The following WDR59 variants were observed in gnomAD, a reference collection of about 807,000 sequenced individuals.
WDR59 encodes the protein GATOR2 complex protein WDR59.
A neutral mutation model predicts 131.2 loss-of-function variants in WDR59; 100 were observed. That is an observed-to-expected ratio of 0.76 (90% CI 0.65 to 0.90). The LOEUF is 0.90. Ranked by LOEUF, WDR59 falls within the 40% of genes least tolerant of loss-of-function variation. The probability of loss-of-function intolerance (pLI) is 0.00; values close to 1 mark genes in which losing one functional copy is unlikely to be tolerated. For synonymous variants in WDR59, 601 were observed against 466.2 expected (o/e 1.29, Z -3.72); for missense variants, 1,203 against 1,262.2 (o/e 0.95, Z 0.71).
At chr16:74,886,916 C>T (rs1785048173) in intron 23 of WDR59, among the ~76,000 whole-genome samples, 1 of 151,880 alleles carries the variant, frequency 6.6e-6, no homozygotes, top group Non-Finnish European at 1.5e-5. Flanking sequence ...AGCAAGAGTC[C>T]ATCTCAAAAA....
rs79888568 is a variant in WDR59 at position 74,942,033 on chromosome 16, C to T, written c.534+705G>A. ...GCAGTGATGGCTCTGTTCATTATTA[C>T]CTAACAGTCTGGCAGTCAATGCAGG... is the stretch of plus-strand genomic sequence containing the variant. On this transcript the variant is annotated intron_variant, in intron 7 of 25. Transcript: ENST00000262144. 4.3e-3 allele frequency among the ~76,000 whole-genome samples: 650 copies of T among 152,168 alleles called. 7 individuals are homozygous for T. The highest frequency in any genetic ancestry group is 0.015 in the African/African-American group (631 of 41,514).
intron 1 of WDR59, among the ~76,000 whole-genome samples, chr16:74,971,219 G>T (rs2033969342): frequency 6.6e-6 from 1 of 151,838 alleles, no homozygotes; most frequent in Non-Finnish European, 1.5e-5. Context: ...AACTTTTAAA[G>T]TTCATTCGTT....
chr16:74,976,949 C>A (rs886884343), intron 1 of WDR59, among the ~76,000 whole-genome samples: 1 of 152,118 alleles, frequency 6.6e-6, no homozygotes, highest in Non-Finnish European at 1.5e-5. Context: ...AGAGGTTGCA[C>A]TGATTCAAAA....
intron 3 of WDR59, among the ~76,000 whole-genome samples, chr16:74,952,248 C>G (rs1194006784): frequency 6.6e-6 from 1 of 151,648 alleles, no homozygotes; most frequent in Admixed American, 6.6e-5. Flanking sequence ...CAAGACCAGT[C>G]TGGGCAACAT....
In WDR59 at chr16:74,924,088, C is replaced by T. The variant is rs2145013146; in HGVS notation, c.652-85G>A. On this transcript the variant is annotated intron_variant, in intron 8 of 25. Transcript: ENST00000262144. ...ATAAGCACAGCCTTTGAACTCATTG[C>T]TTCTGGTCCTCTAAAGATACACTTC... The T allele has an allele frequency of 6.8e-6, 9 of 1,323,524 alleles. No individual in the cohort carries two copies. In the South Asian group the frequency reaches 1.1e-4, roughly 17 times the overall value. The allele number at this position is 1,323,524 out of a possible 1,614,324, so 82.0% of individuals were successfully genotyped here.
intron 8 of WDR59, among the ~76,000 whole-genome samples, chr16:74,931,517 T>C (rs1227851715): frequency 1.3e-5 from 2 of 152,042 alleles, no homozygotes; most frequent in Non-Finnish European, 2.9e-5. Context: ...TTGCATTTGT[T>C]GCAGAGATGG....
intron 1 of WDR59, among the ~76,000 whole-genome samples, chr16:74,978,283 C>T (rs1258772198): frequency 1.4e-5 from 2 of 144,296 alleles, no homozygotes; most frequent in African/African-American, 5.2e-5. Flanking sequence ...GATCGTGCGA[C>T]TGCACTCCAG....
chr16:74,983,380 C>A (rs2034501868), intron 1 of WDR59, among the ~76,000 whole-genome samples: 3 of 151,428 alleles, frequency 2.0e-5, no homozygotes, highest in Admixed American at 2.0e-4. Context: ...GGCTGAGGCA[C>A]AAGAATCGTT....
Position 74,922,572 on chromosome 16 carries a change from C to G in WDR59, c.730-469G>C, listed in dbSNP as rs531779031. 1.1e-4 allele frequency among the ~76,000 whole-genome samples: 16 copies of G among 152,302 alleles called. No individual in the cohort carries two copies. The East Asian group carries it at 3.1e-3, about 29-fold the overall frequency. On this transcript the variant is annotated intron_variant, in intron 9 of 25. Transcript: ENST00000262144. Reference sequence around the variant, plus strand: ...CATGAAGCATCACCTTCCCGCCCCCCCGGCACTGCAACTGCTCAAAGGAAA... The same window carrying G: ...CATGAAGCATCACCTTCCCGCCCCCGCGGCACTGCAACTGCTCAAAGGAAA...
intron 25 of WDR59, among the ~76,000 whole-genome samples, chr16:74,875,741 G>C (rs192313979): frequency 6.6e-6 from 1 of 152,096 alleles, no homozygotes; most frequent in Admixed American, 6.5e-5. Context: ...CAATTCCTTT[G>C]CCCATCTCCT....
rs2034417582 is a variant in WDR59 at position 74,981,637 on chromosome 16, TATATATA to T, written c.54+3320_54+3326del. Among the ~76,000 whole-genome samples the T allele has an allele frequency of 3.1e-3, 97 of 31,496 alleles. 9 individuals carry two copies. The highest frequency in any genetic ancestry group is 0.012 in the African/African-American group (95 of 7,900). 20.7% of individuals were successfully genotyped at this position (31,496 alleles called of 152,430 possible). A position where few individuals can be genotyped will look rare whatever the true frequency, so the allele number is the denominator to read the frequency against. On this transcript the variant is annotated intron_variant, in intron 1 of 25. Transcript: ENST00000262144. ...ACATATATATATATATATATATATA[TATATATA>T]TATATATATATATATATTTTTTTTT...
intron 6 of WDR59, among the ~76,000 whole-genome samples, chr16:74,947,199 A>T (rs944807977): frequency 6.6e-6 from 1 of 152,230 alleles, no homozygotes; most frequent in Non-Finnish European, 1.5e-5. Flanking sequence ...CTATAATCCC[A>T]GCACTTTGGG....
chr16:74,946,460 G>A (rs995826210), intron 6 of WDR59, among the ~76,000 whole-genome samples: 5 of 152,028 alleles, frequency 3.3e-5, no homozygotes, highest in Non-Finnish European at 7.4e-5. Context: ...GGTGGCTCCC[G>A]CCTATAATCC....
rs932008093 is a variant in WDR59 at position 74,952,758 on chromosome 16, T to C, written c.241-1215A>G. ...AAAACAACGGCAGGCTACTTAATAATTTTTTAAATTATATATATATATATA... is the reference window on the plus strand; with the variant it reads ...AAAACAACGGCAGGCTACTTAATAACTTTTTAAATTATATATATATATATA... On this transcript the variant is annotated intron_variant, in intron 3 of 25. Coordinates refer to ENST00000262144, the MANE Select transcript of WDR59 (RefSeq NM_030581.4). Among the ~76,000 whole-genome samples, 6 of 150,250 alleles carry C rather than the reference T, an allele frequency of 4.0e-5. No homozygotes were observed. The South Asian group carries it at 1.3e-3, about 31-fold the overall frequency.
At chr16:74,890,975 A>G (rs1356434547) in intron 20 of WDR59, among the ~76,000 whole-genome samples, 3 of 152,002 alleles carry the variant, frequency 2.0e-5, no homozygotes, top group East Asian at 1.9e-4. Flanking sequence ...TTAGCTGGGC[A>G]TGGTGGCACA....
At chr16:74,894,308 G>A (rs74509506) in intron 18 of WDR59, among the ~76,000 whole-genome samples, 1,822 of 152,236 alleles carry the variant, frequency 0.012, 34 homozygotes, top group African/African-American at 0.042. Context: ...GAGAAACTTT[G>A]CACCTTGAGG....
chr16:74,982,397 CA>C (rs1354986635), intron 1 of WDR59, among the ~76,000 whole-genome samples: 7 of 151,994 alleles, frequency 4.6e-5, no homozygotes. Context: ...TAAAATTACC[CA>C]ATTTACTTTG....
intron 2 of WDR59, among the ~76,000 whole-genome samples, chr16:74,964,106 C>A (rs2033669999): frequency 6.6e-6 from 1 of 151,970 alleles, no homozygotes; most frequent in Non-Finnish European, 1.5e-5. Flanking sequence ...GTGTGCCAAG[C>A]ACGGTGGCTC....
chr16:74,927,686 AC>A (rs2030971238), intron 8 of WDR59, among the ~76,000 whole-genome samples: 1 of 134,922 alleles, frequency 7.4e-6, no homozygotes. Flanking sequence ...TTTAAAAAAC[AC>A]ACACACACAC....
Sources: gnomAD v4.1 joint callset for allele counts (sites outside exome capture counted in the v4.1 genomes callset) on GRCh38, gnomAD v4.1.1 for gene constraint, MANE v1.5 for transcripts, NCBI Gene and HGNC (gene_info 2026-07-23, HGNC 2026-07-21) for gene names.